The following RAPGEF5 variants were observed in gnomAD, a reference collection of about 807,000 sequenced individuals.
RAPGEF5 encodes M-Ras-regulated GEF.
Under a neutral mutation model 125.2 loss-of-function variants are expected in RAPGEF5, and 65 were observed. That is an observed-to-expected ratio of 0.52 (90% CI 0.43 to 0.64). The LOEUF (loss-of-function observed/expected upper bound fraction) is 0.64. RAPGEF5 is among the 30% of genes least tolerant of loss of function. The probability of loss-of-function intolerance (pLI) is 0.00; values close to 1 mark genes in which losing one functional copy is unlikely to be tolerated. For missense variants in RAPGEF5, 958 were observed against 1,048.1 expected (o/e 0.91, Z 1.19); for synonymous variants, 391 against 385.9 (o/e 1.01, Z -0.16).
intron 7 of RAPGEF5, among the ~76,000 whole-genome samples, chr7:22,266,747 T>C (rs1782291724): frequency 6.6e-6 from 1 of 152,182 alleles, no homozygotes; most frequent in African/African-American, 2.4e-5. Flanking sequence ...CAAAAATAGA[T>C]TAGAGCAAAG....
rs1045099081 is a variant in RAPGEF5, at chr7:22,130,934, T to C, written c.2481+103A>G. On this transcript the variant is annotated intron_variant, in intron 24 of 25. Transcript: ENST00000665637. Reference sequence around the variant, plus strand: ...ATAAGCTCCTTGAATTCGCCATGCATCCAATGGAGAAAAGTACTAAAACTA... The same window carrying C: ...ATAAGCTCCTTGAATTCGCCATGCACCCAATGGAGAAAAGTACTAAAACTA... 6 of 1,446,942 alleles carry C rather than the reference T, an allele frequency of 4.1e-6. No individual in the cohort carries two copies. The African/African-American group carries it at 7.2e-5, about 17-fold the overall frequency. 89.6% of individuals were successfully genotyped at this position (1,446,942 alleles called of 1,614,324 possible).
intron 6 of RAPGEF5, among the ~76,000 whole-genome samples, chr7:22,289,309 A>G (rs1182454365): frequency 6.6e-6 from 1 of 152,216 alleles, no homozygotes; most frequent in Non-Finnish European, 1.5e-5. Context: ...ATATTTTTAA[A>G]TGAGGCATAG....
intron 6 of RAPGEF5, among the ~76,000 whole-genome samples, chr7:22,280,572 A>T (rs1782653005): frequency 6.6e-6 from 1 of 152,190 alleles, no homozygotes; most frequent in Non-Finnish European, 1.5e-5. Context: ...TTCACCCAGG[A>T]GTGGGAATGA....
intron 1 of RAPGEF5, among the ~76,000 whole-genome samples, chr7:22,343,357 G>A (rs1320557280): frequency 6.6e-6 from 1 of 152,028 alleles, no homozygotes; most frequent in South Asian, 2.1e-4. Context: ...CCCAGAAAGA[G>A]AGGGAAAAAA....
At chr7:22,249,871 T>A (rs1397547510) in intron 7 of RAPGEF5, among the ~76,000 whole-genome samples, 1 of 152,212 alleles carries the variant, frequency 6.6e-6, no homozygotes, top group African/African-American at 2.4e-5. Context: ...TGTCAGGGCC[T>A]CAGTCTATAC....
intron 11 of RAPGEF5, among the ~76,000 whole-genome samples, chr7:22,179,786 C>A (rs1297678678): frequency 6.6e-6 from 1 of 152,210 alleles, no homozygotes; most frequent in Non-Finnish European, 1.5e-5. Context: ...AAGACACTCC[C>A]ACCAGCACTA....
At chr7:22,229,110 T>C (rs1235191092) in intron 8 of RAPGEF5, among the ~76,000 whole-genome samples, 2 of 152,106 alleles carry the variant, frequency 1.3e-5, no homozygotes, top group Admixed American at 1.3e-4. Context: ...CTAAGGAACA[T>C]CCCTTAAGGA....
At position 22,165,533 on chromosome 7, in the gene RAPGEF5, T is replaced by C. The variant is rs77683023; in HGVS notation, c.1283+1537A>G. Among the ~76,000 whole-genome samples the C allele has an allele frequency of 5.4e-3, 821 of 152,322 alleles. 6 individuals are homozygous for C. Among genetic ancestry groups the C allele is most frequent in the African/African-American group, 0.019 (782 of 41,590 alleles). Reference sequence around the variant, plus strand: ...GAAAGCTGTGAAGGAAATCTGCACATATTATTGAAACTTTCCAAATTCAAA... The same window carrying C: ...GAAAGCTGTGAAGGAAATCTGCACACATTATTGAAACTTTCCAAATTCAAA... On this transcript the variant is annotated intron_variant, in intron 12 of 25. Transcript: ENST00000665637.
chr7:22,136,710 A>T (rs1477358514), intron 22 of RAPGEF5, among the ~76,000 whole-genome samples: 1 of 152,152 alleles, frequency 6.6e-6, no homozygotes, highest in Non-Finnish European at 1.5e-5. Flanking sequence ...AAAAAATCAC[A>T]CTAAAAGGAT....
intron 9 of RAPGEF5, among the ~76,000 whole-genome samples, chr7:22,216,867 A>C (rs1243168821): frequency 6.6e-6 from 1 of 152,242 alleles, no homozygotes; most frequent in Non-Finnish European, 1.5e-5. Context: ...CATTTCTCTA[A>C]TGGCATGCAT....
chr7:22,257,167 T>C (rs935164025), intron 7 of RAPGEF5, among the ~76,000 whole-genome samples: 2 of 152,250 alleles, frequency 1.3e-5, no homozygotes, highest in African/African-American at 4.8e-5. Context: ...AGACATAAGA[T>C]AGTAGGGTAA....
chr7:22,136,214 AT>A, intron 22 of RAPGEF5, 89 bp from the exon 23 acceptor site: 1 of 943,920 alleles, frequency 1.1e-6, no homozygotes, highest in Non-Finnish European at 1.6e-6. Context: ...CAATTTGAAC[AT>A]AACTTAGATA....
intron 9 of RAPGEF5, among the ~76,000 whole-genome samples, chr7:22,208,784 T>G (rs1202589617): frequency 6.6e-6 from 1 of 152,198 alleles, no homozygotes; most frequent in Non-Finnish European, 1.5e-5. Flanking sequence ...TGGACCAAAA[T>G]GAGACCAGCA....
Position 22,317,894 on chromosome 7 carries a change from G to A in RAPGEF5, c.282+93C>T. ...ATCCCTGCAAAACTCTATGTGGTCAGGAGCAAAGGGAACAACTGTAACTTG... is the reference window on the plus strand; with the variant it reads ...ATCCCTGCAAAACTCTATGTGGTCAAGAGCAAAGGGAACAACTGTAACTTG... On this transcript the variant is annotated intron_variant, in intron 2 of 25. Transcript: ENST00000665637. 3.3e-6 allele frequency: 5 copies of A among 1,508,350 alleles called. No individual in the cohort carries two copies. In the East Asian group the frequency reaches 1.2e-4, roughly 37 times the overall value. The allele number at this position is 1,508,350 out of a possible 1,614,324, so 93.4% of individuals were successfully genotyped here.
Position 22,208,368 on chromosome 7 carries a change from C to T in RAPGEF5, c.996+11498G>A, listed in dbSNP as rs531824707. Among the ~76,000 whole-genome samples the T allele has an allele frequency of 1.0e-3, 153 of 152,332 alleles. 1 individual carries two copies. Among genetic ancestry groups the T allele is most frequent in the African/African-American group, 3.4e-3 (140 of 41,566 alleles). On this transcript the variant is annotated intron_variant, in intron 9 of 25. Transcript: ENST00000665637. ...GAATGACTACACTGGTGGCAACAAG[C>T]TAAATAGCTATTTGGTTGTCTTCTA...
chr7:22,291,424 C>G (rs1373785183), intron 5 of RAPGEF5, among the ~76,000 whole-genome samples, 183 bp from the exon 6 acceptor site: 1 of 152,188 alleles, frequency 6.6e-6, no homozygotes, highest in Non-Finnish European at 1.5e-5. Context: ...GCCAAATGTT[C>G]TCACAAAATC....
At chr7:22,251,539 A>G (rs1786620508) in intron 7 of RAPGEF5, among the ~76,000 whole-genome samples, 1 of 152,182 alleles carries the variant, frequency 6.6e-6, no homozygotes, top group Non-Finnish European at 1.5e-5. Context: ...TCAACAGTGT[A>G]TTAAGGACAG....
intron 1 of RAPGEF5, among the ~76,000 whole-genome samples, chr7:22,319,167 G>C (rs1338006562): frequency 6.6e-6 from 1 of 152,136 alleles, no homozygotes; most frequent in Admixed American, 6.5e-5. Flanking sequence ...AAAAAGAACA[G>C]AGAAACTAAC....
intron 18 of RAPGEF5, 90 bp from the exon 19 acceptor site, chr7:22,147,109 T>C: frequency 6.8e-7 from 1 of 1,472,004 alleles, no homozygotes; most frequent in Non-Finnish European, 9.2e-7. Context: ...GAAGCTCAGA[T>C]TAGCAAAGTA....
Sources: allele counts gnomAD v4.1 joint callset (sites outside exome capture counted in the v4.1 genomes callset), GRCh38; gene constraint gnomAD v4.1.1; transcripts MANE v1.5; gene names NCBI Gene and HGNC (gene_info 2026-07-23, HGNC 2026-07-21).